AFG2A: variants seen among roughly 807,000 people sequenced by gnomAD.
AFG2A encodes AAA ATPase AFG2A.
At chr4:123,202,711 A>G in the AFG2A span, among the ~76,000 whole-genome samples, 2 of 152,226 alleles carry the variant, frequency 1.3e-5, no homozygotes, top group African/African-American at 4.8e-5. Flanking sequence ...ACAGATTCAT[A>G]TAATCACTAC....
chr4:123,180,342 CAG>C, the AFG2A span, among the ~76,000 whole-genome samples: 8 of 152,106 alleles, frequency 5.3e-5, no homozygotes, highest in Non-Finnish European at 1.0e-4. Flanking sequence ...TGGTAGGAGA[CAG>C]ATTTCATATT....
At chr4:123,250,463 C>T in the AFG2A span, among the ~76,000 whole-genome samples, 85,858 of 152,026 alleles carry the variant, frequency 0.56, 26,510 homozygotes, top group Non-Finnish European at 0.67. Flanking sequence ...AAAGGTCATC[C>T]AATACGATAA....
chr4:123,218,743 T>G, the AFG2A span, among the ~76,000 whole-genome samples: 3 of 152,184 alleles, frequency 2.0e-5, no homozygotes, highest in Admixed American at 2.0e-4. Context: ...CTTGGGAATA[T>G]TTTTGCTATA....
chr4:122,983,153 C>A, the AFG2A span, among the ~76,000 whole-genome samples: 1 of 152,036 alleles, frequency 6.6e-6, no homozygotes, highest in South Asian at 2.1e-4. Context: ...GGTGTGAGCA[C>A]CGCGCCCAGC....
At chr4:122,985,580 A>G in the AFG2A span, among the ~76,000 whole-genome samples, 16 of 152,244 alleles carry the variant, frequency 1.1e-4, no homozygotes, top group African/African-American at 3.8e-4. Context: ...ACAGGTGTTC[A>G]TAGTAGCCTT....
chr4:123,037,433 T>C, the AFG2A span, among the ~76,000 whole-genome samples: 175 of 152,216 alleles, frequency 1.1e-3, no homozygotes, highest in African/African-American at 4.1e-3. Context: ...ATGGTACTTA[T>C]TAATGGCAGT....
the AFG2A span, among the ~76,000 whole-genome samples, chr4:123,049,391 C>T: frequency 6.6e-6 from 1 of 151,894 alleles, no homozygotes; most frequent in African/African-American, 2.4e-5. Context: ...TGTATTCTCC[C>T]TTCATTTTTT....
the AFG2A span, among the ~76,000 whole-genome samples, chr4:123,069,745 A>C: frequency 6.6e-6 from 1 of 152,224 alleles, no homozygotes; most frequent in Non-Finnish European, 1.5e-5. Context: ...AGCTATGTAA[A>C]ATAAATAACT....
the AFG2A span, among the ~76,000 whole-genome samples, chr4:123,196,303 C>A: frequency 6.6e-6 from 1 of 151,568 alleles, no homozygotes; most frequent in Non-Finnish European, 1.5e-5. Context: ...GCCACCGCGC[C>A]CGGCCACATC....
the AFG2A span, among the ~76,000 whole-genome samples, chr4:123,150,457 C>G: frequency 6.6e-6 from 1 of 152,188 alleles, no homozygotes; most frequent in Non-Finnish European, 1.5e-5. Context: ...GTGCAAAGAT[C>G]ACAAGCATTC....
the AFG2A span, among the ~76,000 whole-genome samples, chr4:122,975,802 C>A: frequency 2.0e-5 from 3 of 152,004 alleles, no homozygotes; most frequent in Non-Finnish European, 4.4e-5. Context: ...ATTTTACTCT[C>A]AAGCAGAAGT....
chr4:123,199,433 A>G, the AFG2A span, among the ~76,000 whole-genome samples: 1 of 129,768 alleles, frequency 7.7e-6, no homozygotes, highest in Non-Finnish European at 1.6e-5. Context: ...AAACTAAATT[A>G]TGGAATCTTT....
At chr4:123,216,831 A>T in the AFG2A span, among the ~76,000 whole-genome samples, 2 of 151,274 alleles carry the variant, frequency 1.3e-5, no homozygotes, top group African/African-American at 2.4e-5. Flanking sequence ...GTTTTTTCAA[A>T]TTTTTTTTGT....
At chr4:123,064,210 C>A in the AFG2A span, among the ~76,000 whole-genome samples, 1 of 152,064 alleles carries the variant, frequency 6.6e-6, no homozygotes, top group Admixed American at 6.5e-5. Flanking sequence ...CTGCATGATT[C>A]TTTTTTCAAA....
chr4:123,264,048 A>G, the AFG2A span, among the ~76,000 whole-genome samples: 4 of 152,346 alleles, frequency 2.6e-5, no homozygotes, highest in Admixed American at 2.6e-4. Flanking sequence ...GAACGAAATA[A>G]TGGCATTCGC....
At chr4:123,272,164 T>C in the AFG2A span, among the ~76,000 whole-genome samples, 3 of 152,186 alleles carry the variant, frequency 2.0e-5, no homozygotes, top group Non-Finnish European at 4.4e-5. Context: ...GGTGACACTG[T>C]TGTGCTTCTG....
chr4:123,039,160 T>C, the AFG2A span, among the ~76,000 whole-genome samples: 1 of 152,090 alleles, frequency 6.6e-6, no homozygotes, highest in African/African-American at 2.4e-5. Context: ...TCTCTTTCCT[T>C]CAGTTAAGCC....
chr4:123,273,970 CTG>C, the AFG2A span, among the ~76,000 whole-genome samples: 2 of 152,072 alleles, frequency 1.3e-5, no homozygotes, highest in African/African-American at 2.4e-5. Flanking sequence ...AGCTAAGGAC[CTG>C]TCTATGTTAG....
the AFG2A span, among the ~76,000 whole-genome samples, chr4:123,038,104 G>A: frequency 1.3e-5 from 2 of 151,960 alleles, no homozygotes; most frequent in Non-Finnish European, 2.9e-5. Context: ...TGCCAATGGT[G>A]GCCAAATATT....
Sources: allele counts gnomAD v4.1 joint callset (sites outside exome capture counted in the v4.1 genomes callset), GRCh38; gene constraint gnomAD v4.1.1; transcripts MANE v1.5; gene names NCBI Gene and HGNC (gene_info 2026-07-23, HGNC 2026-07-21).